Variants in PRKCE observed in about 807,000 individuals in gnomAD.
The protein encoded by PRKCE is protein kinase C epsilon type.
In PRKCE, 16 loss-of-function variants were observed where a neutral mutation model predicts 85.4. That is an observed-to-expected ratio of 0.19 (90% confidence interval 0.13 to 0.28). PRKCE has a LOEUF of 0.28. PRKCE is among the 10% of genes least tolerant of loss of function. The pLI is 1.00. For missense variants in PRKCE, 573 were observed against 975.2 expected, an observed-to-expected ratio of 0.59 and a Z score of 5.49; for synonymous variants, 388 against 371.5, an observed-to-expected ratio of 1.04 and a Z score of -0.51.
At chr2:46,010,783 CTGTT>C (rs772386702) in intron 10 of PRKCE, 1 of 1,594,508 alleles carries the variant, frequency 6.3e-7, no homozygotes, top group East Asian at 2.2e-5. Context: ...GCTAAACTCA[CTGTT>C]TGCTCATTGG....
At chr2:46,176,138 G>C (rs1369156578) in intron 14 of PRKCE, among the ~76,000 whole-genome samples, 2 of 152,084 alleles carry the variant, frequency 1.3e-5, no homozygotes, top group East Asian at 3.9e-4. Flanking sequence ...TTTCCCCAAA[G>C]AGAAATAGCT....
intron 1 of PRKCE, among the ~76,000 whole-genome samples, chr2:45,830,141 G>A (rs924346426): frequency 8.6e-5 from 13 of 151,492 alleles, no homozygotes; most frequent in Middle Eastern, 3.4e-3. Flanking sequence ...GGTTTGGGGA[G>A]AACTAGCAAA....
chr2:45,931,422 A>C (rs757667664), intron 2 of PRKCE, among the ~76,000 whole-genome samples: 10 of 152,232 alleles, frequency 6.6e-5, no homozygotes, highest in Non-Finnish European at 4.4e-5. Context: ...TGAATGACAT[A>C]GGTGGTAAAT....
intron 1 of PRKCE, among the ~76,000 whole-genome samples, chr2:45,718,289 T>C (rs372919156): frequency 1.3e-5 from 2 of 151,404 alleles, no homozygotes; most frequent in African/African-American, 4.9e-5. Context: ...GGTTAGCACA[T>C]GAGGAAGGCT....
At chr2:45,830,795 G>T (rs1457016630) in intron 1 of PRKCE, among the ~76,000 whole-genome samples, 1 of 152,204 alleles carries the variant, frequency 6.6e-6, no homozygotes, top group African/African-American at 2.4e-5. Context: ...TTAGAAGAAA[G>T]TTCTGATAGA....
chr2:45,817,509 C>A (rs369518765), intron 1 of PRKCE, among the ~76,000 whole-genome samples: 1 of 149,066 alleles, frequency 6.7e-6, no homozygotes, highest in African/African-American at 2.5e-5. Flanking sequence ...CTGGCTAACA[C>A]GGTGAAACCC....
At chr2:45,955,315 A>G (rs560428605) in intron 2 of PRKCE, among the ~76,000 whole-genome samples, 1 of 152,112 alleles carries the variant, frequency 6.6e-6, no homozygotes, top group South Asian at 2.1e-4. Flanking sequence ...GTTTGGAGGG[A>G]GGAATGAGCT....
At chr2:45,838,084 A>C (rs1440551282) in intron 1 of PRKCE, among the ~76,000 whole-genome samples, 2 of 152,136 alleles carry the variant, frequency 1.3e-5, no homozygotes, top group Non-Finnish European at 2.9e-5. Context: ...AGGCACTCTC[A>C]TTGCTGCCCA....
In PRKCE at chr2:46,053,955, C is replaced by T. The variant is rs547048839; in HGVS notation, c.1438-32253C>T. On this transcript the variant is annotated intron_variant, in intron 10 of 14. Coordinates refer to ENST00000306156, the MANE Select transcript of PRKCE (RefSeq NM_005400.3). ...GGAGCCGCCATACTGTTTTCCACCGCAGCTGTACCATTTGACATTCCTACC... is the reference window on the plus strand; with the variant it reads ...GGAGCCGCCATACTGTTTTCCACCGTAGCTGTACCATTTGACATTCCTACC... Among the ~76,000 whole-genome samples the T allele has an allele frequency of 3.3e-5, 5 of 152,330 alleles. No individual in the cohort carries two copies. The South Asian group carries it at 1.0e-3, about 32-fold the overall frequency.
At chr2:46,072,068 T>TATC (rs1558420961) in intron 10 of PRKCE, among the ~76,000 whole-genome samples, 6 of 152,244 alleles carry the variant, frequency 3.9e-5, no homozygotes, top group Non-Finnish European at 8.8e-5. Context: ...TTTATAAGTT[T>TATC]ATCTCACCAC....
At chr2:45,975,607 T>G (rs559505585) in intron 2 of PRKCE, among the ~76,000 whole-genome samples, 95 of 152,300 alleles carry the variant, frequency 6.2e-4, no homozygotes, top group Admixed American at 3.8e-3. Flanking sequence ...GACTTTAATG[T>G]ATTAATTTTG....
At chr2:45,726,429 T>A (rs1036017690) in intron 1 of PRKCE, among the ~76,000 whole-genome samples, 2 of 152,138 alleles carry the variant, frequency 1.3e-5, no homozygotes, top group Non-Finnish European at 2.9e-5. Flanking sequence ...TCAGCAGCTG[T>A]CAACATCGAG....
At chr2:46,080,242 A>T (rs972835699) in intron 10 of PRKCE, among the ~76,000 whole-genome samples, 1 of 152,180 alleles carries the variant, frequency 6.6e-6, no homozygotes, top group African/African-American at 2.4e-5. Flanking sequence ...TGCTTCTCAA[A>T]TGTGTTAGAT....
At chr2:46,049,378 C>T (rs978038458) in intron 10 of PRKCE, among the ~76,000 whole-genome samples, 1 of 152,180 alleles carries the variant, frequency 6.6e-6, no homozygotes. Context: ...CTCTCTCATG[C>T]CCACAGATAC....
intron 2 of PRKCE, among the ~76,000 whole-genome samples, chr2:45,874,577 T>C (rs1179751652): frequency 1.3e-5 from 2 of 152,228 alleles, no homozygotes; most frequent in African/African-American, 4.8e-5. Context: ...CTTGGGTCTT[T>C]AGAAGAGTCA....
chr2:45,834,687 C>T (rs1406005036), intron 1 of PRKCE, among the ~76,000 whole-genome samples: 1 of 151,954 alleles, frequency 6.6e-6, no homozygotes, highest in African/African-American at 2.4e-5. Flanking sequence ...TTGCTTTATC[C>T]CCCCTCCACT....
At chr2:45,840,767 C>G (rs146052721) in intron 1 of PRKCE, among the ~76,000 whole-genome samples, 10 of 152,282 alleles carry the variant, frequency 6.6e-5, no homozygotes, top group African/African-American at 2.4e-4. Flanking sequence ...AGGAGTGACT[C>G]TGGGAGCCTC....
At chr2:46,010,165 T>C (rs748972336) in intron 9 of PRKCE, among the ~76,000 whole-genome samples, 179 bp from the exon 10 acceptor site, 6 of 152,228 alleles carry the variant, frequency 3.9e-5, no homozygotes, top group Non-Finnish European at 7.3e-5. Flanking sequence ...TGGGCTCAAA[T>C]GATCCTTCTA....
At chr2:45,889,512 G>A (rs995166725) in intron 2 of PRKCE, among the ~76,000 whole-genome samples, 2 of 137,502 alleles carry the variant, frequency 1.5e-5, no homozygotes, top group Non-Finnish European at 1.5e-5. Flanking sequence ...TCATTCTCAG[G>A]CAAATCCTTT....
Sources: allele counts gnomAD v4.1 joint callset (sites outside exome capture counted in the v4.1 genomes callset), GRCh38; gene constraint gnomAD v4.1.1; transcripts MANE v1.5; gene names NCBI Gene and HGNC (gene_info 2026-07-23, HGNC 2026-07-21).